Variants in PTPRC observed in about 807,000 individuals in gnomAD.
PTPRC encodes protein tyrosine phosphatase receptor type C.
PTPRC carries 44 observed loss-of-function variants against 155.9 expected under a neutral mutation model. The ratio of observed to expected loss-of-function variants is 0.28; its 90% CI spans 0.22 to 0.36. The LOEUF (loss-of-function observed/expected upper bound fraction) is 0.36. PTPRC is among the 10% of genes least tolerant of loss of function. PTPRC has a pLI of 1.00. For missense variants in PTPRC, 1,401 were observed against 1,564.6 expected (o/e 0.90, Z 1.76); for synonymous variants, 525 against 533.1 (o/e 0.98, Z 0.21).
chr1:198,708,020 CTA>C, intron 9 of PTPRC, 111 bp from the exon 10 acceptor site: 2 of 967,454 alleles, frequency 2.1e-6, no homozygotes, highest in Non-Finnish European at 3.1e-6. Flanking sequence ...TTGCCAAATT[CTA>C]TGTCATTAGC....
chr1:198,713,966 C>A (rs2102431059), intron 12 of PTPRC, among the ~76,000 whole-genome samples: 1 of 152,192 alleles, frequency 6.6e-6, no homozygotes, highest in East Asian at 1.9e-4. Context: ...AATAATCAGA[C>A]TACTAAAGCA....
In PTPRC at chr1:198,692,336, C is replaced by A. The variant is rs1374631725; in HGVS notation, c.74-11C>A. 1.3e-6 allele frequency: 2 copies of A among 1,512,824 alleles called. No homozygotes were observed. The highest frequency in any genetic ancestry group is 1.8e-6 in the Non-Finnish European group (2 of 1,124,664). The allele number at this position is 1,512,824 out of a possible 1,614,324, so 93.7% of individuals were successfully genotyped here. ...GAAATTTTCTAAGAGATTTTTGTTT[C>A]TTCTTTGCAGGGCAAAGCCCAACAC... On this transcript the variant is annotated splice_polypyrimidine_tract_variant and intron_variant, in intron 2 of 32. Transcript: ENST00000442510.
intron 15 of PTPRC, among the ~76,000 whole-genome samples, 199 bp from the exon 16 acceptor site, chr1:198,728,141 T>C (rs568973267): frequency 1.3e-5 from 2 of 152,226 alleles, no homozygotes; most frequent in Admixed American, 1.3e-4. Flanking sequence ...TAAAATGTTT[T>C]CATTGGTTCA....
chr1:198,748,826 G>T (rs1486221407), intron 27 of PTPRC, among the ~76,000 whole-genome samples: 1 of 151,700 alleles, frequency 6.6e-6, no homozygotes, highest in Non-Finnish European at 1.5e-5. Flanking sequence ...AAATAAATCA[G>T]ATCAGTGCAT....
chr1:198,638,786 A>C (rs1662395780), upstream of PTPRC: 1 of 156,642 alleles, frequency 6.4e-6, no homozygotes, highest in African/African-American at 2.4e-5. Context: ...TCATCTCTTA[A>C]GTAAGAAAAT....
At chr1:198,730,546 G>A (rs1373728236) in intron 17 of PTPRC, among the ~76,000 whole-genome samples, 1 of 152,104 alleles carries the variant, frequency 6.6e-6, no homozygotes, top group African/African-American at 2.4e-5. Context: ...GATAGGCTGA[G>A]GGAGGAATGA....
At chr1:198,657,955 G>C (rs1444984683) in intron 2 of PTPRC, 1 of 152,156 alleles carries the variant, frequency 6.6e-6, no homozygotes, top group Non-Finnish European at 1.5e-5. Flanking sequence ...CTCGATGAAT[G>C]TGTGTTAAAC....
rs1654433662 is a variant in PTPRC, at chr1:198,732,384, C to T, written c.2059C>T (p.Leu687Phe). 3 of 1,610,676 alleles carry T rather than the reference C, an allele frequency of 1.9e-6. No homozygotes were observed. The highest frequency in any genetic ancestry group is 2.5e-6 in the Non-Finnish European group (3 of 1,177,374). ...GAATAAAAACCGTTATGTTGACATT[C>T]TTCCTTGTGAGTATTTATTGAGTGC... is the stretch of plus-strand genomic sequence containing the variant. ...NQNKNRYVDI[L>F]PYDYNRVELS... Residue 687 changes from leucine to phenylalanine, a missense_variant, in exon 19 of 33, where the codon CTT becomes TTT. Physicochemically the swap from Leu to Phe is conservative, Grantham distance 22. Coordinates refer to ENST00000442510, the MANE Select transcript of PTPRC (RefSeq NM_002838.5).
chr1:198,691,721 A>T (rs1227853409), intron 2 of PTPRC, among the ~76,000 whole-genome samples: 5 of 152,056 alleles, frequency 3.3e-5, no homozygotes, highest in Non-Finnish European at 7.4e-5. Context: ...AGCTATATGC[A>T]ATCCTTTAGG....
At chr1:198,727,508 T>C (rs1171465979) in intron 15 of PTPRC, among the ~76,000 whole-genome samples, 1 of 152,264 alleles carries the variant, frequency 6.6e-6, no homozygotes, top group East Asian at 1.9e-4. Flanking sequence ...CCAGCCACCG[T>C]GCTACGTGTT....
At chr1:198,721,860 G>A (rs1020975825) in intron 14 of PTPRC, among the ~76,000 whole-genome samples, 1 of 151,018 alleles carries the variant, frequency 6.6e-6, no homozygotes, top group African/African-American at 2.4e-5. Context: ...TTTGGTCAAG[G>A]ATTCTTACTG....
chr1:198,676,836 C>A (rs185702075), intron 2 of PTPRC, among the ~76,000 whole-genome samples: 2 of 151,954 alleles, frequency 1.3e-5, no homozygotes, highest in East Asian at 1.9e-4. Flanking sequence ...ACTCAGATTT[C>A]TTTTCTTCTT....
At chr1:198,699,156 A>G (rs1438056748) in intron 4 of PTPRC, among the ~76,000 whole-genome samples, 1 of 152,136 alleles carries the variant, frequency 6.6e-6, no homozygotes, top group Non-Finnish European at 1.5e-5. Flanking sequence ...TCTCTTGTCC[A>G]TTTTTAAATT....
chr1:198,664,794 A>T (rs1664184127), intron 2 of PTPRC, among the ~76,000 whole-genome samples: 1 of 152,124 alleles, frequency 6.6e-6, no homozygotes, highest in Non-Finnish European at 1.5e-5. Context: ...GAAATCAAGG[A>T]TTTATTCTCC....
chr1:198,743,067 CAAAAAAAAAA>C (rs10628640), intron 25 of PTPRC, among the ~76,000 whole-genome samples: 45 of 75,936 alleles, frequency 5.9e-4, no homozygotes, highest in African/African-American at 2.3e-3. Flanking sequence ...GTCAAAATAG[CAAAAAAAAAA>C]AAAAAAAAAA....
chr1:198,710,444 G>A (rs1024504925), intron 11 of PTPRC, among the ~76,000 whole-genome samples: 8 of 152,122 alleles, frequency 5.3e-5, no homozygotes, highest in African/African-American at 1.9e-4. Context: ...TGAATTTTAG[G>A]ATCAACTTTT....
intron 2 of PTPRC, among the ~76,000 whole-genome samples, chr1:198,654,309 AAAAT>A (rs1225475461): frequency 6.6e-6 from 1 of 151,828 alleles, no homozygotes; most frequent in South Asian, 2.1e-4. Context: ...CTTTTTGAGT[AAAAT>A]AAATAAATAA....
At chr1:198,662,653 T>A (rs535826694) in intron 2 of PTPRC, among the ~76,000 whole-genome samples, 45 of 152,248 alleles carry the variant, frequency 3.0e-4, no homozygotes, top group African/African-American at 9.6e-4. Context: ...AAACCTAAAA[T>A]GTAGTTCTCT....
chr1:198,651,292 T>TTGTGTGTGTGTGTGTGTG (rs67899145), intron 2 of PTPRC, among the ~76,000 whole-genome samples: 2 of 147,800 alleles, frequency 1.4e-5, no homozygotes, highest in East Asian at 2.0e-4. Context: ...CAGATTGGGA[T>TTGTGTGTGTGTGTGTGTG]TGTGTGTGTG....
Sources: gnomAD v4.1 joint callset for allele counts (sites outside exome capture counted in the v4.1 genomes callset) on GRCh38, gnomAD v4.1.1 for gene constraint, MANE v1.5 for transcripts, NCBI Gene and HGNC (gene_info 2026-07-23, HGNC 2026-07-21) for gene names.